SMCO4: variants seen among roughly 807,000 people sequenced by gnomAD.
SMCO4 encodes the protein single-pass membrane and coiled-coil domain-containing protein 4.
In SMCO4, 4 loss-of-function variants were observed where a neutral mutation model predicts 3.6. The ratio of observed to expected loss-of-function variants is 1.11; its 90% CI spans 0.54 to 2.53. The LOEUF (loss-of-function observed/expected upper bound fraction) is 2.53. Among genes scored for constraint, SMCO4 ranks in the 30% most tolerant of loss-of-function variants. The probability of loss-of-function intolerance (pLI) is 0.02; values close to 1 mark genes in which losing one functional copy is unlikely to be tolerated. For missense variants in SMCO4, 70 were observed against 80.8 expected (o/e 0.87, Z 0.51); for synonymous variants, 36 against 35.3 (o/e 1.02, Z -0.07).
At chr11:93,550,036 C>T in the SMCO4 span, among the ~76,000 whole-genome samples, 36 of 152,216 alleles carry the variant, frequency 2.4e-4, no homozygotes, top group South Asian at 8.3e-4. Context: ...AGCACCAGAG[C>T]GCTACTGAAA....
At chr11:93,534,470 T>C (rs773838211) in intron 1 of SMCO4, among the ~76,000 whole-genome samples, 3 of 151,852 alleles carry the variant, frequency 2.0e-5, no homozygotes, top group Admixed American at 6.6e-5. Flanking sequence ...TTAGGTAATA[T>C]GCTGAGAGAT....
rs888146243 is a variant in SMCO4 at position 93,518,795 on chromosome 11, G to A, written c.-153-19447C>T. On this transcript the variant is annotated intron_variant, in intron 1 of 2. Coordinates refer to ENST00000298966, the MANE Select transcript of SMCO4 (RefSeq NM_020179.3). The stretch of plus-strand genomic sequence containing the variant: ...ACAAAAAAATCACACCTAAGCCAGG[G>A]CTCCAGTAGGAGCCATGTGACTGGC... 5.9e-5 allele frequency among the ~76,000 whole-genome samples: 9 copies of A among 152,138 alleles called. 1 individual carries two copies.
At chr11:93,485,331 A>G (rs1446950661) in intron 2 of SMCO4, among the ~76,000 whole-genome samples, 4 of 152,096 alleles carry the variant, frequency 2.6e-5, no homozygotes, top group Non-Finnish European at 5.9e-5. Context: ...CCACACCCAA[A>G]TGACCCACTA....
chr11:93,490,707 T>C lies in SMCO4; in HGVS notation c.-81+8569A>G, dbSNP rs570208799. ...AACACTACCTCCAGAGGTCTGTATA[T>C]TAAAAGGGCATAAATTACAGGTTGA... On this transcript the variant is annotated intron_variant, in intron 2 of 2. Transcript: ENST00000298966. Among the ~76,000 whole-genome samples the C allele has an allele frequency of 4.6e-5, 7 of 152,306 alleles. No individual in the cohort carries two copies. In the South Asian group the frequency reaches 1.5e-3, roughly 32 times the overall value.
intron 2 of SMCO4, among the ~76,000 whole-genome samples, chr11:93,485,490 G>C (rs1948638115): frequency 1.3e-5 from 2 of 152,232 alleles, no homozygotes; most frequent in African/African-American, 4.8e-5. Context: ...GCCTTTGCCA[G>C]CTCCTCCATG....
the SMCO4 span, among the ~76,000 whole-genome samples, chr11:93,551,877 C>T: frequency 6.6e-6 from 1 of 152,114 alleles, no homozygotes; most frequent in South Asian, 2.1e-4. Context: ...GTATGAAGAG[C>T]ATTGGTGTAG....
intron 2 of SMCO4, among the ~76,000 whole-genome samples, chr11:93,487,223 C>T (rs1378114504): frequency 2.0e-5 from 3 of 152,112 alleles, no homozygotes; most frequent in Non-Finnish European, 2.9e-5. Flanking sequence ...CTCCAGTCTG[C>T]GGCAGAGTGG....
intron 1 of SMCO4, among the ~76,000 whole-genome samples, chr11:93,500,879 C>T (rs1440199829): frequency 6.6e-6 from 1 of 152,182 alleles, no homozygotes; most frequent in Non-Finnish European, 1.5e-5. Flanking sequence ...AAAGGCTCTA[C>T]CAGTTTGCCC....
chr11:93,546,255 A>T (rs184589390), upstream of SMCO4, among the ~76,000 whole-genome samples: 1,203 of 152,360 alleles, frequency 7.9e-3, 17 homozygotes, highest in African/African-American at 0.027. Flanking sequence ...GCAGAGCATC[A>T]CACTTCATGT....
intron 1 of SMCO4, among the ~76,000 whole-genome samples, chr11:93,531,413 G>A (rs1949161098): frequency 6.6e-6 from 1 of 152,150 alleles, no homozygotes; most frequent in Non-Finnish European, 1.5e-5. Context: ...TGGCTCTCCT[G>A]GGTCTCAAGG....
At chr11:93,479,322 T>C in intron 2 of SMCO4, 53 bp from the exon 3 acceptor site, 1 of 1,402,962 alleles carries the variant, frequency 7.1e-7, no homozygotes, top group Non-Finnish European at 9.3e-7. Context: ...GAAGAAAAAA[T>C]AAATCACTTA....
At chr11:93,512,758 ATTTCTCAGGAT>A in intron 1 of SMCO4, among the ~76,000 whole-genome samples, 1 of 152,140 alleles carries the variant, frequency 6.6e-6, no homozygotes, top group Non-Finnish European at 1.5e-5. Context: ...CTAATGATGC[ATTTCTCAGGAT>A]GTGTCCCTGT....
intron 1 of SMCO4, among the ~76,000 whole-genome samples, chr11:93,504,395 GA>G (rs1179718988): frequency 2.6e-5 from 4 of 152,228 alleles, no homozygotes; most frequent in African/African-American, 9.6e-5. Context: ...AGGATAACCT[GA>G]AAAGGTAAAT....
chr11:93,512,371 G>A (rs756456197), intron 1 of SMCO4, among the ~76,000 whole-genome samples: 1 of 152,094 alleles, frequency 6.6e-6, no homozygotes. Context: ...TGGTGATGCT[G>A]GCATAAGCAT....
At chr11:93,484,542 G>A (rs557144475) in intron 2 of SMCO4, among the ~76,000 whole-genome samples, 3 of 152,222 alleles carry the variant, frequency 2.0e-5, no homozygotes, top group South Asian at 2.1e-4. Context: ...TGCAGACATC[G>A]AAAAATTAGA....
intron 1 of SMCO4, among the ~76,000 whole-genome samples, chr11:93,499,833 G>C (rs1427786494): frequency 6.6e-6 from 1 of 152,200 alleles, no homozygotes. Flanking sequence ...ATGAGAAAGT[G>C]ACCCAGGCAT....
intron 2 of SMCO4, among the ~76,000 whole-genome samples, chr11:93,491,538 T>G (rs1948717560): frequency 6.6e-6 from 1 of 151,958 alleles, no homozygotes. Flanking sequence ...GAGAAATGAG[T>G]TTTGAGATTA....
At chr11:93,512,544 AT>A (rs1269443126) in intron 1 of SMCO4, among the ~76,000 whole-genome samples, 2 of 152,166 alleles carry the variant, frequency 1.3e-5, no homozygotes, top group African/African-American at 4.8e-5. Context: ...TTTATACTAT[AT>A]TTTTATTGTA....
intron 2 of SMCO4, among the ~76,000 whole-genome samples, chr11:93,496,615 T>C (rs114191392): frequency 0.014 from 2,100 of 152,204 alleles, 51 homozygotes; most frequent in African/African-American, 0.048. Context: ...TCGGAGGTCC[T>C]GCCACTGTGC....
Sources: allele counts gnomAD v4.1 joint callset (sites outside exome capture counted in the v4.1 genomes callset), GRCh38; gene constraint gnomAD v4.1.1; transcripts MANE v1.5; gene names NCBI Gene and HGNC (gene_info 2026-07-23, HGNC 2026-07-21).